Variants in METTL25 observed in about 807,000 individuals in gnomAD.
The protein encoded by METTL25 is methyltransferase like 25.
METTL25 carries 64 observed loss-of-function variants against 71.6 expected under a neutral mutation model. That is an observed-to-expected ratio of 0.89 (90% CI 0.73 to 1.10). The LOEUF (loss-of-function observed/expected upper bound fraction) is 1.10. Among genes scored for constraint, METTL25 ranks in the 50% least tolerant of loss-of-function variants. The pLI, the probability that METTL25 is intolerant of heterozygous loss-of-function variation, is 0.00. For missense variants in METTL25, 807 were observed against 707.0 expected, an observed-to-expected ratio of 1.14 and a Z score of -1.60; for synonymous variants, 287 against 250.3, an observed-to-expected ratio of 1.15 and a Z score of -1.38.
At chr12:82,437,909 T>C (rs1890038222) in intron 7 of METTL25, among the ~76,000 whole-genome samples, 1 of 151,768 alleles carries the variant, frequency 6.6e-6, no homozygotes, top group South Asian at 2.1e-4. Flanking sequence ...GATGTTCCTA[T>C]ACTATCAATA....
chr12:82,464,020 G>A (rs1480916750), intron 9 of METTL25, among the ~76,000 whole-genome samples: 1 of 151,892 alleles, frequency 6.6e-6, no homozygotes, highest in African/African-American at 2.4e-5. Context: ...TTCCCAGTTG[G>A]ATGAAGAGTT....
Position 82,438,740 on chromosome 12 carries a change from A to G in METTL25, c.1427A>G (p.Tyr476Cys), listed in dbSNP as rs148345125. The G allele has an allele frequency of 2.6e-6, 4 of 1,541,042 alleles. No homozygotes were observed. Among genetic ancestry groups the G allele is most frequent in the African/African-American group, 2.8e-5 (2 of 71,972 alleles). ...CAGCTGCCTACTGAATCACTCTTCT[A>G]TCGTGCTGTTCTTCAGGATATTATT... is the stretch of plus-strand genomic sequence containing the variant. ...GQGLPTESLF[Y>C]RAVLQDIIKD... The change falls in exon 8 of 12, where the codon TAT becomes TGT. Residue 476 changes from tyrosine to cysteine, a missense_variant. Physicochemically the swap from Tyr to Cys is radical, Grantham distance 194 (BLOSUM62 -2). Transcript: ENST00000248306.
intron 9 of METTL25, among the ~76,000 whole-genome samples, chr12:82,457,487 C>T (rs1333123647): frequency 6.6e-6 from 1 of 151,896 alleles, no homozygotes; most frequent in Non-Finnish European, 1.5e-5. Flanking sequence ...GTTACAAGGA[C>T]ATAATAATGT....
chr12:82,379,732 C>G (rs530158629), intron 1 of METTL25, among the ~76,000 whole-genome samples: 1 of 152,280 alleles, frequency 6.6e-6, no homozygotes, highest in Admixed American at 6.5e-5. Context: ...CCAGTGCTAA[C>G]CAGTGGATTA....
chr12:82,472,623 G>A (rs1258608975), intron 9 of METTL25, among the ~76,000 whole-genome samples: 1 of 151,958 alleles, frequency 6.6e-6, no homozygotes, highest in Non-Finnish European at 1.5e-5. Flanking sequence ...TGCTTGGTCT[G>A]TTCTGTTATT....
intron 1 of METTL25, among the ~76,000 whole-genome samples, chr12:82,360,277 A>G (rs555702954): frequency 7.2e-5 from 11 of 152,246 alleles, no homozygotes; most frequent in Admixed American, 2.6e-4. Flanking sequence ...GATATTTACT[A>G]TATACCCTGT....
intron 1 of METTL25, among the ~76,000 whole-genome samples, chr12:82,375,109 A>G (rs568058739): frequency 2.0e-5 from 3 of 152,378 alleles, no homozygotes; most frequent in Admixed American, 6.5e-5. Flanking sequence ...TAGGAGAATC[A>G]GCAGAGGAAG....
At chr12:82,374,995 C>A (rs1883679659) in intron 1 of METTL25, among the ~76,000 whole-genome samples, 1 of 152,032 alleles carries the variant, frequency 6.6e-6, no homozygotes. Flanking sequence ...TGCTTGGTGA[C>A]TGTTTATATA....
At chr12:82,475,701 C>A (rs1331237231) in intron 9 of METTL25, among the ~76,000 whole-genome samples, 1 of 151,924 alleles carries the variant, frequency 6.6e-6, no homozygotes, top group East Asian at 1.9e-4. Context: ...TGCTTTTTTG[C>A]AAAAATTATA....
intron 9 of METTL25, among the ~76,000 whole-genome samples, chr12:82,466,051 A>C (rs79610607): frequency 6.7e-6 from 1 of 150,042 alleles, no homozygotes; most frequent in East Asian, 1.9e-4. Flanking sequence ...TCAAAAAAAC[A>C]ATTTTTTGTT....
At chr12:82,434,550 A>G (rs1173763642) in intron 6 of METTL25, 145 bp from the exon 7 acceptor site, 4 of 631,166 alleles carry the variant, frequency 6.3e-6, no homozygotes, top group African/African-American at 5.5e-5. Context: ...CTTTAATGAT[A>G]TTAACACTGT....
At chr12:82,396,373 T>C (rs1886083525) in intron 3 of METTL25, among the ~76,000 whole-genome samples, 1 of 152,130 alleles carries the variant, frequency 6.6e-6, no homozygotes, top group South Asian at 2.1e-4. Flanking sequence ...CTGGAGTTTT[T>C]CCTATGAACT....
chr12:82,467,109 C>T (rs1744207090), intron 9 of METTL25, among the ~76,000 whole-genome samples: 1 of 150,764 alleles, frequency 6.6e-6, no homozygotes, highest in African/African-American at 2.4e-5. Context: ...TTCCTACAGG[C>T]AGCATATAGT....
intron 1 of METTL25, among the ~76,000 whole-genome samples, chr12:82,374,845 C>T (rs1883656949): frequency 6.6e-6 from 1 of 152,144 alleles, no homozygotes; most frequent in Non-Finnish European, 1.5e-5. Context: ...GGAGGCTTGG[C>T]TGTTAAACTT....
At chr12:82,363,877 G>A (rs1422889247) in intron 1 of METTL25, among the ~76,000 whole-genome samples, 1 of 152,116 alleles carries the variant, frequency 6.6e-6, no homozygotes, top group Non-Finnish European at 1.5e-5. Flanking sequence ...AATAAGTGCT[G>A]ATCCTAATTG....
chr12:82,398,929 A>G lies in METTL25; in HGVS notation c.666A>G (p.Lys222=). 1 of 1,612,582 alleles carries G rather than the reference A, an allele frequency of 6.2e-7. No individual in the cohort carries two copies. The change falls in exon 4 of 12, where the codon AAA becomes AAG. Residue 222 remains lysine (K), a synonymous_variant. Transcript: ENST00000248306. ...GAEERNRKLK[K]HWKLCHAQSR... ...AGGAGAGAAACAGAAAATTGAAGAA[A>G]CATTGGAAACTCTGTCATGCTCAGT...
chr12:82,476,319 A>G (rs1312676614), intron 9 of METTL25: 1 of 206,330 alleles, frequency 4.8e-6, no homozygotes, highest in Non-Finnish European at 9.6e-6. Flanking sequence ...TTTTAGTCAA[A>G]AAATGTTTGA....
At chr12:82,392,067 T>C (rs1048621888) in intron 3 of METTL25, among the ~76,000 whole-genome samples, 2 of 21,386 alleles carry the variant, frequency 9.4e-5, no homozygotes, top group South Asian at 4.7e-3. Flanking sequence ...TTGCCCATTT[T>C]TATTTTTTTA....
intron 1 of METTL25, among the ~76,000 whole-genome samples, chr12:82,384,367 A>G (rs1884745582): frequency 9.3e-6 from 1 of 107,420 alleles, no homozygotes; most frequent in Non-Finnish European, 1.9e-5. Flanking sequence ...AGACTAGATC[A>G]TAAACAGCTC....
Sources: allele counts gnomAD v4.1 joint callset (sites outside exome capture counted in the v4.1 genomes callset), GRCh38; gene constraint gnomAD v4.1.1; transcripts MANE v1.5; gene names NCBI Gene and HGNC (gene_info 2026-07-23, HGNC 2026-07-21).